EYS: variants seen among roughly 807,000 people sequenced by gnomAD.
The protein encoded by EYS is protein eyes shut homolog.
A neutral mutation model predicts 282.1 loss-of-function variants in EYS; 250 were observed. The observed-to-expected ratio is 0.89, with a 90% CI of 0.80 to 0.98. The LOEUF (loss-of-function observed/expected upper bound fraction) is 0.98, where lower values mean the gene tolerates loss of function less well. Among genes scored for constraint, EYS ranks in the 50% least tolerant of loss-of-function variants. The probability of loss-of-function intolerance (pLI) is 0.00; values close to 1 mark genes in which losing one functional copy is unlikely to be tolerated. For synonymous variants in EYS, 1,355 were observed against 1,282.9 expected, an observed-to-expected ratio of 1.06 and a Z score of -1.20; for missense variants, 4,016 against 3,709.0, an observed-to-expected ratio of 1.08 and a Z score of -2.15.
intron 30 of EYS, among the ~76,000 whole-genome samples, chr6:64,233,547 G>A (rs1766494005): frequency 6.6e-6 from 1 of 152,096 alleles, no homozygotes; most frequent in African/African-American, 2.4e-5. Context: ...AATTAGCAAT[G>A]TAAAAAAGGA....
intron 30 of EYS, among the ~76,000 whole-genome samples, chr6:64,249,596 T>C (rs1397308139): frequency 6.6e-6 from 1 of 152,154 alleles, no homozygotes; most frequent in African/African-American, 2.4e-5. Context: ...TGGAAAAGTT[T>C]AAGAGAATCA....
chr6:64,365,609 TC>T (rs1772157543), intron 29 of EYS, among the ~76,000 whole-genome samples: 1 of 151,834 alleles, frequency 6.6e-6, no homozygotes, highest in Admixed American at 6.6e-5. Flanking sequence ...TGTACAGTAG[TC>T]CCCCCTTATT....
At chr6:63,895,859 C>T in intron 35 of EYS, among the ~76,000 whole-genome samples, 1 of 147,728 alleles carries the variant, frequency 6.8e-6, no homozygotes, top group Middle Eastern at 3.6e-3. Context: ...AAATCTTCCT[C>T]TAATTTATGT....
intron 17 of EYS, 34 bp downstream of exon 17, chr6:64,902,370 A>T (rs1767694203): frequency 1.5e-6 from 2 of 1,373,854 alleles, no homozygotes; most frequent in Middle Eastern, 1.8e-4. Context: ...AGACACATAA[A>T]CATGTATCTA....
intron 13 of EYS, among the ~76,000 whole-genome samples, chr6:65,041,185 A>C (rs1772923480): frequency 6.6e-6 from 1 of 151,756 alleles, no homozygotes; most frequent in Non-Finnish European, 1.5e-5. Flanking sequence ...TTCTTAAAAA[A>C]GGAGAGAAGA....
intron 22 of EYS, among the ~76,000 whole-genome samples, chr6:64,748,581 A>C (rs1215885963): frequency 6.6e-6 from 1 of 152,196 alleles, no homozygotes; most frequent in African/African-American, 2.4e-5. Context: ...CTCATCTATC[A>C]TTGTGTTCCC....
chr6:64,927,178 T>C (rs984902267), intron 15 of EYS, among the ~76,000 whole-genome samples: 3 of 152,216 alleles, frequency 2.0e-5, no homozygotes, highest in African/African-American at 7.2e-5. Context: ...TTAGCTCGAA[T>C]AATGTGCTCT....
chr6:63,905,207 A>G (rs1022272166), intron 35 of EYS, among the ~76,000 whole-genome samples: 3 of 152,170 alleles, frequency 2.0e-5, no homozygotes, highest in African/African-American at 7.2e-5. Flanking sequence ...TCAAGGCTTC[A>G]AGGCTTATCC....
intron 30 of EYS, among the ~76,000 whole-genome samples, chr6:64,300,227 A>T (rs1769186248): frequency 6.6e-6 from 1 of 152,134 alleles, no homozygotes; most frequent in South Asian, 2.1e-4. Flanking sequence ...GGGTGGAAGA[A>T]AAAGCTTGGT....
chr6:65,356,529 G>A (rs1397775010), intron 8 of EYS, among the ~76,000 whole-genome samples: 1 of 151,924 alleles, frequency 6.6e-6, no homozygotes, highest in Non-Finnish European at 1.5e-5. Flanking sequence ...TTAACCTGAA[G>A]ACCAAATTTG....
chr6:65,108,351 G>T (rs888040912), intron 12 of EYS, among the ~76,000 whole-genome samples: 1 of 152,058 alleles, frequency 6.6e-6, no homozygotes, highest in Non-Finnish European at 1.5e-5. Context: ...AGGCTGGAGT[G>T]CAGTGGCTTG....
intron 2 of EYS, among the ~76,000 whole-genome samples, chr6:65,615,470 C>T (rs1343884659): frequency 6.7e-6 from 1 of 150,358 alleles, no homozygotes; most frequent in African/African-American, 2.4e-5. Context: ...TATGTAGACA[C>T]AAAGCTAAAT....
In EYS at chr6:65,698,950, T is replaced by C. The variant is rs559187048; in HGVS notation, c.-448+8185A>G. Among the ~76,000 whole-genome samples, 402 of 152,308 alleles carry C rather than the reference T, an allele frequency of 2.6e-3. 4 individuals are homozygous for C. Among genetic ancestry groups the C allele is most frequent in the African/African-American group, 9.3e-3 (385 of 41,572 alleles). On this transcript the variant is annotated intron_variant, in intron 1 of 42. Coordinates refer to ENST00000503581, the MANE Select transcript of EYS (RefSeq NM_001142800.2). Reference sequence around the variant, plus strand: ...ATTACTTTTCTAAACTGATACAACATAATGTGTATTTCTTCAAACTAGTCA... The same window carrying C: ...ATTACTTTTCTAAACTGATACAACACAATGTGTATTTCTTCAAACTAGTCA...
chr6:63,870,846 G>A (rs1240455224), intron 35 of EYS, among the ~76,000 whole-genome samples: 1 of 152,170 alleles, frequency 6.6e-6, no homozygotes, highest in Non-Finnish European at 1.5e-5. Flanking sequence ...GAAGCCTAGA[G>A]ATGAAGTTAG....
chr6:65,672,916 T>C (rs1349967868), intron 1 of EYS, among the ~76,000 whole-genome samples: 1 of 151,818 alleles, frequency 6.6e-6, no homozygotes. Context: ...GGGTGGGTAG[T>C]GGAAAATTAC....
intron 30 of EYS, among the ~76,000 whole-genome samples, chr6:64,291,913 C>G (rs555649593): frequency 6.6e-6 from 1 of 152,048 alleles, no homozygotes; most frequent in African/African-American, 2.4e-5. Context: ...TAACAGTTAA[C>G]AAAATTGAAA....
chr6:64,500,680 G>T (rs1259234426), intron 26 of EYS, among the ~76,000 whole-genome samples: 1 of 151,994 alleles, frequency 6.6e-6, no homozygotes, highest in Non-Finnish European at 1.5e-5. Flanking sequence ...CTCCTAGAAA[G>T]GAATTAGTGG....
intron 18 of EYS, among the ~76,000 whole-genome samples, chr6:64,893,910 A>T (rs1306317261): frequency 6.6e-6 from 1 of 152,034 alleles, no homozygotes; most frequent in Non-Finnish European, 1.5e-5. Flanking sequence ...TCATACACAT[A>T]TATATGTATG....
At chr6:65,170,359 C>T (rs1453368483) in intron 12 of EYS, among the ~76,000 whole-genome samples, 1 of 151,472 alleles carries the variant, frequency 6.6e-6, no homozygotes, top group African/African-American at 2.4e-5. Context: ...TTAAAATGAA[C>T]TGACATTTTT....
Sources: gnomAD v4.1 joint callset for allele counts (sites outside exome capture counted in the v4.1 genomes callset) on GRCh38, gnomAD v4.1.1 for gene constraint, MANE v1.5 for transcripts, NCBI Gene and HGNC (gene_info 2026-07-23, HGNC 2026-07-21) for gene names.